ASAP3: variants seen among roughly 807,000 people sequenced by gnomAD.
The protein encoded by ASAP3 is ArfGAP with SH3 domain, ankyrin repeat and PH domain 3.
A neutral mutation model predicts 118.2 loss-of-function variants in ASAP3; 85 were observed. The observed-to-expected ratio is 0.72, with a 90% CI of 0.60 to 0.86. ASAP3 has a LOEUF of 0.86. ASAP3 is among the 40% of genes least tolerant of loss of function. The pLI is 0.00. For missense variants in ASAP3, 1,026 were observed against 1,175.0 expected (o/e 0.87, Z 1.85); for synonymous variants, 432 against 477.4 (o/e 0.90, Z 1.24).
chr1:23,450,998 T>C (rs947524729), intron 5 of ASAP3, among the ~76,000 whole-genome samples: 4 of 152,200 alleles, frequency 2.6e-5, no homozygotes, highest in Non-Finnish European at 4.4e-5. Context: ...CATTTCCTTC[T>C]CTAGATATAC....
In ASAP3 at chr1:23,483,909, G is replaced by A. The variant is rs1642398338; in HGVS notation, c.129+96C>T. The A allele has an allele frequency of 4.2e-6, 5 of 1,177,822 alleles. No homozygotes were observed. The Admixed American group carries it at 1.3e-4, about 30-fold the overall frequency. 73.0% of individuals were successfully genotyped at this position (1,177,822 alleles called of 1,614,324 possible). On this transcript the variant is annotated intron_variant, in intron 1 of 24. Transcript: ENST00000336689. The stretch of plus-strand genomic sequence containing the variant: ...AGGGAGGGGGCAGGTTTCGGGGCGC[G>A]GTGAAGGGCCATCGCAGCTCGGGTG...
Position 23,452,688 on chromosome 1 carries a change from G to A in ASAP3, c.423+9C>T. ...CTGTCCCACCACCACTCCCAGCATG[G>A]AGACTCACCTGTCGACCGTCCCTCA... is the stretch of plus-strand genomic sequence containing the variant. On this transcript the variant is annotated intron_variant, in intron 4 of 24. Coordinates refer to ENST00000336689, the MANE Select transcript of ASAP3 (RefSeq NM_017707.4). 1 of 1,613,264 alleles carries A rather than the reference G, an allele frequency of 6.2e-7. No individual in the cohort carries two copies. Among genetic ancestry groups the A allele is most frequent in the Non-Finnish European group, 8.5e-7 (1 of 1,179,490 alleles).
At chr1:23,441,536 C>T (rs1640873462) in intron 8 of ASAP3, 63 bp from the exon 9 acceptor site, 1 of 1,605,146 alleles carries the variant, frequency 6.2e-7, no homozygotes, top group South Asian at 1.1e-5. Flanking sequence ...AGAGCCCAGA[C>T]CCAGAAGAGC....
intron 1 of ASAP3, among the ~76,000 whole-genome samples, chr1:23,480,860 T>A (rs568778313): frequency 4.6e-5 from 7 of 152,322 alleles, no homozygotes; most frequent in African/African-American, 1.7e-4. Context: ...GTTGACGTAA[T>A]GACTATCTTA....
intron 1 of ASAP3, 120 bp downstream of exon 1, chr1:23,483,885 G>A (rs1642396921): frequency 3.2e-5 from 34 of 1,071,708 alleles, no homozygotes; most frequent in Non-Finnish European, 3.9e-5. Context: ...CCCAGACCTA[G>A]GGAGGGGGCA....
intron 1 of ASAP3, among the ~76,000 whole-genome samples, chr1:23,458,199 G>A (rs1641449683): frequency 6.6e-6 from 1 of 152,200 alleles, no homozygotes; most frequent in South Asian, 2.1e-4. Context: ...TAAAACATGA[G>A]GCTGGGCATG....
At chr1:23,455,750 C>A in intron 3 of ASAP3, 131 bp downstream of exon 3, 1 of 1,181,594 alleles carries the variant, frequency 8.5e-7, no homozygotes, top group Non-Finnish European at 1.2e-6. Context: ...GGAAAGGGAC[C>A]TCAGGTCTGA....
chr1:23,477,781 G>A (rs1443593767), intron 1 of ASAP3, among the ~76,000 whole-genome samples: 1 of 152,138 alleles, frequency 6.6e-6, no homozygotes, highest in Admixed American at 6.5e-5. Flanking sequence ...TGGCACCATC[G>A]GAGTTCACTG....
At position 23,436,069 on chromosome 1, in the gene ASAP3, T is replaced by G. The variant is rs767218206; in HGVS notation, c.1572-41A>C. ...ACAGGATCTCAGAGCATGGACCGTG[T>G]CTGCCCAGCTGATCCCTGGGGCCCT... On this transcript the variant is annotated intron_variant, in intron 16 of 24. Transcript: ENST00000336689. The surrounding 1 kb of genome is among the most constrained non-coding windows in gnomAD (Gnocchi z 4.2). The G allele has an allele frequency of 1.2e-6, 2 of 1,606,106 alleles. No individual in the cohort carries two copies. The highest frequency in any genetic ancestry group is 3.3e-5 in the Admixed American group (2 of 59,960).
Position 23,434,372 on chromosome 1 carries a change from G to A in ASAP3, c.1836-3C>T, listed in dbSNP as rs755053519. ...CAGCCTTGGCATCCAGGTGACCACTGGGGAGAGGAGGGTTCAGGGAGAAAG... is the reference window on the plus strand; with the variant it reads ...CAGCCTTGGCATCCAGGTGACCACTAGGGAGAGGAGGGTTCAGGGAGAAAG... On this transcript the variant is annotated splice_polypyrimidine_tract_variant and splice_region_variant and intron_variant, in intron 18 of 24. Coordinates refer to ENST00000336689, the MANE Select transcript of ASAP3 (RefSeq NM_017707.4). The A allele has an allele frequency of 6.2e-7, 1 of 1,614,062 alleles. No homozygotes were observed. The highest frequency in any genetic ancestry group is 1.1e-5 in the South Asian group (1 of 91,072).
At chr1:23,431,980 T>A in intron 22 of ASAP3, 62 bp from the exon 23 acceptor site, 23 of 1,269,138 alleles carry the variant, frequency 1.8e-5, no homozygotes, top group Non-Finnish European at 2.5e-5. Flanking sequence ...GTGCCCAACC[T>A]CAAAGCAGTC....
At chr1:23,461,988 A>G (rs1641605396) in intron 1 of ASAP3, among the ~76,000 whole-genome samples, 1 of 151,804 alleles carries the variant, frequency 6.6e-6, no homozygotes, top group Non-Finnish European at 1.5e-5. Context: ...TGGTAAAGGG[A>G]GACAAGTCAC....
chr1:23,478,527 G>A (rs1319119172), intron 1 of ASAP3, among the ~76,000 whole-genome samples: 3 of 151,970 alleles, frequency 2.0e-5, no homozygotes, highest in Admixed American at 6.6e-5. Flanking sequence ...TTGAGAGGAC[G>A]AGGCGGGTGG....
At chr1:23,465,127 C>T (rs555772136) in intron 1 of ASAP3, among the ~76,000 whole-genome samples, 1 of 152,316 alleles carries the variant, frequency 6.6e-6, no homozygotes, top group East Asian at 1.9e-4. Context: ...AGAATACTGT[C>T]CACTATTTGA....
At chr1:23,441,265 C>T (rs1403813724) in intron 9 of ASAP3, 54 bp from the exon 10 acceptor site, 1 of 1,607,702 alleles carries the variant, frequency 6.2e-7, no homozygotes, top group African/African-American at 1.3e-5. Context: ...GGAAGAGCCC[C>T]ATTCTGCGGG....
rs1464779880 is a variant in ASAP3 at position 23,429,931 on chromosome 1, C to A, written c.2638-1G>T. On this transcript the variant is annotated splice_acceptor_variant, in intron 24 of 24. Transcript: ENST00000336689. LOFTEE classifies it high-confidence loss of function. Reference sequence around the variant, plus strand: ...AGCCATCTCCTTCAGTGATGCCAACCTGCAGAAAGAAGGATGAAACTGACA... The same window carrying A: ...AGCCATCTCCTTCAGTGATGCCAACATGCAGAAAGAAGGATGAAACTGACA... 2.5e-6 allele frequency: 4 copies of A among 1,613,522 alleles called. No individual in the cohort carries two copies. Among genetic ancestry groups the A allele is most frequent in the Admixed American group, 3.3e-5 (2 of 59,944 alleles).
rs749725137 is a variant in ASAP3 at position 23,437,483 on chromosome 1, A to G, written c.1103-11T>C. 5 of 1,613,966 alleles carry G rather than the reference A, an allele frequency of 3.1e-6. No individual in the cohort carries two copies. The highest frequency in any genetic ancestry group is 4.2e-6 in the Non-Finnish European group (5 of 1,179,944). ...GGTACGTCCGGTTGTCTGTCGGGAG[A>G]GAAGGGGGCTTCTGACCCACAGAAA... On this transcript the variant is annotated splice_polypyrimidine_tract_variant and intron_variant, in intron 12 of 24. Transcript: ENST00000336689. The surrounding 1 kb of genome is among the most constrained non-coding windows in gnomAD (Gnocchi z 6.1).
intron 17 of ASAP3, among the ~76,000 whole-genome samples, chr1:23,435,017 G>A (rs1558111496): frequency 6.6e-6 from 1 of 152,098 alleles, no homozygotes. Flanking sequence ...CAGACAGACA[G>A]TTCAAAGATA....
At position 23,429,081 on chromosome 1, in the gene ASAP3, T is replaced by C. The variant is rs1640332703; in HGVS notation, c.*775A>G. ...AGGCAAATGTGGGTGCATCTGACTC[T>C]ACAATTTGGCTGGGGAATATAGGAG... On this transcript the variant is annotated 3_prime_UTR_variant, in exon 25 of 25. Transcript: ENST00000336689. 6.5e-6 allele frequency: 1 copy of C among 154,222 alleles called. No homozygotes were observed. The highest frequency in any genetic ancestry group is 1.5e-5 in the Non-Finnish European group (1 of 68,216). The allele number at this position is 154,222 out of a possible 1,614,324, so 9.6% of individuals were successfully genotyped here.
Sources: gnomAD v4.1 joint callset for allele counts (sites outside exome capture counted in the v4.1 genomes callset) on GRCh38, gnomAD v4.1.1 for gene constraint, Gnocchi (gnomAD v3.1) non-coding constraint, MANE v1.5 for transcripts, NCBI Gene and HGNC (gene_info 2026-07-23, HGNC 2026-07-21) for gene names.